The following PLXDC2 variants were observed in gnomAD, a reference collection of about 807,000 sequenced individuals.
PLXDC2 encodes the protein plexin domain containing 2.
In PLXDC2, 40 loss-of-function variants were observed where a neutral mutation model predicts 68.9. The observed-to-expected ratio is 0.58, with a 90% CI of 0.45 to 0.76. The LOEUF (loss-of-function observed/expected upper bound fraction) is 0.76. Ranked by LOEUF, PLXDC2 falls within the 30% of genes least tolerant of loss-of-function variation. The probability of loss-of-function intolerance (pLI) is 0.00; values close to 1 mark genes in which losing one functional copy is unlikely to be tolerated. For missense variants in PLXDC2, 644 were observed against 661.9 expected (o/e 0.97, Z 0.30); for synonymous variants, 243 against 234.2 (o/e 1.04, Z -0.34).
At chr10:19,843,934 G>T (rs1836951816) in intron 1 of PLXDC2, among the ~76,000 whole-genome samples, 1 of 152,140 alleles carries the variant, frequency 6.6e-6, no homozygotes. Context: ...GACTTGAAGT[G>T]TTCCCAATAC....
chr10:19,870,816 A>G (rs943402046), intron 1 of PLXDC2, among the ~76,000 whole-genome samples: 2 of 152,210 alleles, frequency 1.3e-5, no homozygotes, highest in African/African-American at 4.8e-5. Context: ...ATGAGGAGAG[A>G]AAATCTGTCA....
intron 1 of PLXDC2, among the ~76,000 whole-genome samples, chr10:19,832,074 T>G (rs1475830202): frequency 6.6e-6 from 1 of 152,228 alleles, no homozygotes; most frequent in Non-Finnish European, 1.5e-5. Flanking sequence ...GTTTATTCAT[T>G]TATTATTTTT....
chr10:20,042,002 G>T (rs974487055), intron 2 of PLXDC2, among the ~76,000 whole-genome samples: 1 of 152,122 alleles, frequency 6.6e-6, no homozygotes, highest in Non-Finnish European at 1.5e-5. Context: ...ACTGGGCATT[G>T]GGGCTTCCAT....
intron 1 of PLXDC2, among the ~76,000 whole-genome samples, chr10:19,854,775 T>C (rs1837183499): frequency 6.6e-6 from 1 of 152,076 alleles, no homozygotes; most frequent in Admixed American, 6.6e-5. Context: ...AGGGGAGGTG[T>C]TGGAGAGTGC....
chr10:20,083,193 C>G (rs1836604930), intron 4 of PLXDC2, among the ~76,000 whole-genome samples: 1 of 151,912 alleles, frequency 6.6e-6, no homozygotes, highest in African/African-American at 2.4e-5. Flanking sequence ...TTACTATGTG[C>G]GGCCGGGCGG....
chr10:19,827,279 A>G (rs978835502), intron 1 of PLXDC2, among the ~76,000 whole-genome samples: 4 of 152,212 alleles, frequency 2.6e-5, no homozygotes, highest in Non-Finnish European at 4.4e-5. Flanking sequence ...TAGCTTTATA[A>G]TAAGTCTTTA....
intron 1 of PLXDC2, among the ~76,000 whole-genome samples, chr10:19,868,678 T>C (rs906300759): frequency 6.6e-6 from 1 of 152,246 alleles, no homozygotes; most frequent in Non-Finnish European, 1.5e-5. Context: ...TCTGTTGATT[T>C]ATTTTCAAAA....
At chr10:20,268,246 G>A (rs1191818745) in intron 13 of PLXDC2, among the ~76,000 whole-genome samples, 2 of 151,876 alleles carry the variant, frequency 1.3e-5, no homozygotes, top group African/African-American at 4.8e-5. Flanking sequence ...GACAGTATGT[G>A]CCCAAAATTG....
At chr10:20,131,440 C>A (rs529527474) in intron 4 of PLXDC2, among the ~76,000 whole-genome samples, 1 of 152,066 alleles carries the variant, frequency 6.6e-6, no homozygotes, top group Non-Finnish European at 1.5e-5. Context: ...ACTCTTGTTG[C>A]CCAGGCTGGA....
intron 1 of PLXDC2, among the ~76,000 whole-genome samples, chr10:19,917,255 G>A (rs12572635): frequency 0.049 from 7,525 of 152,052 alleles, 261 homozygotes; most frequent in East Asian, 0.13. Flanking sequence ...GGGCACAGAG[G>A]CAGGATAGAA....
chr10:19,974,202 A>T (rs1834410303), intron 1 of PLXDC2, among the ~76,000 whole-genome samples: 1 of 152,242 alleles, frequency 6.6e-6, no homozygotes, highest in Non-Finnish European at 1.5e-5. Context: ...TGTTCCTTTA[A>T]GTAGGATTAC....
chr10:20,174,031 A>G (rs796224963), intron 7 of PLXDC2, among the ~76,000 whole-genome samples: 1 of 152,124 alleles, frequency 6.6e-6, no homozygotes, highest in South Asian at 2.1e-4. Context: ...ACGATCAATA[A>G]CTCTCAGAAG....
At chr10:20,262,594 C>G (rs562685083) in intron 13 of PLXDC2, among the ~76,000 whole-genome samples, 9 of 152,334 alleles carry the variant, frequency 5.9e-5, no homozygotes, top group Admixed American at 5.9e-4. Context: ...CAGCAAAGCA[C>G]AGCTGCTCTA....
chr10:20,104,640 G>A (rs147404631), intron 4 of PLXDC2, among the ~76,000 whole-genome samples: 1 of 152,216 alleles, frequency 6.6e-6, no homozygotes, highest in East Asian at 1.9e-4. Context: ...TATAAATATT[G>A]TTGGCACGTG....
At chr10:20,129,165 T>C (rs1182934060) in intron 4 of PLXDC2, among the ~76,000 whole-genome samples, 1 of 152,194 alleles carries the variant, frequency 6.6e-6, no homozygotes, top group African/African-American at 2.4e-5. Context: ...ATGTTGCTCA[T>C]AATAGTCATC....
chr10:20,248,944 C>T (rs1400107866), intron 13 of PLXDC2, among the ~76,000 whole-genome samples: 1 of 152,058 alleles, frequency 6.6e-6, no homozygotes, highest in Admixed American at 6.6e-5. Context: ...GAAATTGAGA[C>T]AATGCAGAAA....
intron 3 of PLXDC2, 32 bp from the exon 4 acceptor site, chr10:20,068,138 T>G: frequency 6.4e-7 from 1 of 1,567,770 alleles, no homozygotes; most frequent in Non-Finnish European, 8.8e-7. Flanking sequence ...CTACACATTA[T>G]TGATTTTTTT....
At chr10:20,081,390 C>G (rs1836554755) in intron 4 of PLXDC2, among the ~76,000 whole-genome samples, 1 of 148,424 alleles carries the variant, frequency 6.7e-6, no homozygotes, top group African/African-American at 2.5e-5. Flanking sequence ...TAAGAAACTT[C>G]TAATATTGAA....
chr10:19,856,286 GC>G (rs1342617796), intron 1 of PLXDC2, among the ~76,000 whole-genome samples: 1 of 150,840 alleles, frequency 6.6e-6, no homozygotes, highest in East Asian at 1.9e-4. Context: ...TTGCTTTTAG[GC>G]TTTGGCATGA....
Sources: gnomAD v4.1 joint callset for allele counts (sites outside exome capture counted in the v4.1 genomes callset) on GRCh38, gnomAD v4.1.1 for gene constraint, MANE v1.5 for transcripts, NCBI Gene and HGNC (gene_info 2026-07-23, HGNC 2026-07-21) for gene names.